MARCHF8: variants seen among roughly 807,000 people sequenced by gnomAD.
MARCHF8 encodes membrane associated ring-CH-type finger 8.
MARCHF8 carries 40 observed loss-of-function variants against 51.6 expected under a neutral mutation model. That is an observed-to-expected ratio of 0.77 (90% confidence interval 0.60 to 1.01). The LOEUF (loss-of-function observed/expected upper bound fraction) is 1.01. Among genes scored for constraint, MARCHF8 ranks in the 50% least tolerant of loss-of-function variants. The pLI, the probability that MARCHF8 is intolerant of heterozygous loss-of-function variation, is 0.00. For missense variants in MARCHF8, 685 were observed against 708.6 expected, an observed-to-expected ratio of 0.97 and a Z score of 0.38; for synonymous variants, 263 against 280.3, an observed-to-expected ratio of 0.94 and a Z score of 0.62.
intron 2 of MARCHF8, among the ~76,000 whole-genome samples, chr10:45,495,326 A>G (rs547146303): frequency 6.6e-6 from 1 of 152,152 alleles, no homozygotes; most frequent in South Asian, 2.1e-4. Context: ...AAAAAAAAAA[A>G]TTAGTGAGCA....
chr10:45,497,457 CCAA>C (rs996774058), intron 2 of MARCHF8, among the ~76,000 whole-genome samples: 19 of 152,066 alleles, frequency 1.2e-4, no homozygotes, highest in South Asian at 1.0e-3. Context: ...AATACAAAAC[CCAA>C]CAACAACAAC....
intron 3 of MARCHF8, among the ~76,000 whole-genome samples, chr10:45,481,397 G>A (rs1250331197): frequency 1.3e-5 from 2 of 152,170 alleles, no homozygotes; most frequent in African/African-American, 4.8e-5. Context: ...AGATTTGGGA[G>A]GGGCCGAGGG....
chr10:45,531,801 A>C lies in MARCHF8; in HGVS notation c.102+1309T>G, dbSNP rs149705442. ...AGGGTTCACTCTTCTTATGGGACTC[A>C]GTAGGAATAATATCTCCCAAGCACA... On this transcript the variant is annotated intron_variant, in intron 2 of 7. Transcript: ENST00000453424. Among the ~76,000 whole-genome samples the C allele has an allele frequency of 1.8e-4, 28 of 152,328 alleles. 1 individual carries two copies. In the East Asian group the frequency reaches 5.2e-3, roughly 28 times the overall value.
chr10:45,531,970 C>T (rs1241146622), intron 2 of MARCHF8, among the ~76,000 whole-genome samples: 1 of 152,174 alleles, frequency 6.6e-6, no homozygotes, highest in Non-Finnish European at 1.5e-5. Context: ...AACACAACCA[C>T]TATTTTCATC....
intron 2 of MARCHF8, among the ~76,000 whole-genome samples, chr10:45,515,534 T>C (rs1268297438): frequency 1.3e-5 from 2 of 152,262 alleles, no homozygotes; most frequent in East Asian, 1.9e-4. Context: ...TCTGAACTTA[T>C]GTTTTATAAA....
intron 1 of MARCHF8, among the ~76,000 whole-genome samples, chr10:45,553,469 C>A (rs566449105): frequency 1.3e-5 from 2 of 152,184 alleles, no homozygotes; most frequent in African/African-American, 4.8e-5. Context: ...AGTAACATTA[C>A]GCTTGAATAC....
chr10:45,575,207 G>A (rs1000737352), intron 1 of MARCHF8, among the ~76,000 whole-genome samples: 2 of 151,964 alleles, frequency 1.3e-5, no homozygotes, highest in Non-Finnish European at 2.9e-5. Context: ...ATGCTAATAG[G>A]GCAACTAAAA....
intron 1 of MARCHF8, among the ~76,000 whole-genome samples, chr10:45,547,780 A>T (rs1329655512): frequency 6.6e-6 from 1 of 152,194 alleles, no homozygotes; most frequent in Non-Finnish European, 1.5e-5. Context: ...AAATAGTGAC[A>T]GGCCTTTTGT....
At position 45,456,704 on chromosome 10, in the gene MARCHF8, C is replaced by T. The variant is rs1842615854; in HGVS notation, c.*1535G>A. On this transcript the variant is annotated 3_prime_UTR_variant, in exon 8 of 8. Transcript: ENST00000453424. ...GCCTGGAAAGGAAGCATCTGCGCTA[C>T]ATTGTGCTTCAGGCCCCCCCAGCAA... 1 of 152,228 alleles carries T rather than the reference C, an allele frequency of 6.6e-6. No homozygotes were observed. The highest frequency in any genetic ancestry group is 2.4e-5 in the African/African-American group (1 of 41,446). The allele number at this position is 152,228 out of a possible 1,614,324, so 9.4% of individuals were successfully genotyped here. A position where few individuals can be genotyped will look rare whatever the true frequency, so the allele number is the denominator to read the frequency against.
intron 2 of MARCHF8, among the ~76,000 whole-genome samples, chr10:45,528,251 C>CA (rs553904736): frequency 5.1e-4 from 78 of 152,180 alleles, no homozygotes; most frequent in Admixed American, 1.4e-3. Context: ...CCTATCGGGC[C>CA]AGAGCAGTAA....
chr10:45,526,578 T>C (rs900736428), intron 2 of MARCHF8, among the ~76,000 whole-genome samples: 5 of 152,166 alleles, frequency 3.3e-5, no homozygotes, highest in Admixed American at 6.5e-5. Flanking sequence ...ACAACCACTG[T>C]GCTTCTTGTA....
intron 2 of MARCHF8, among the ~76,000 whole-genome samples, chr10:45,510,777 A>G (rs1439046598): frequency 6.6e-6 from 1 of 152,242 alleles, no homozygotes; most frequent in African/African-American, 2.4e-5. Flanking sequence ...ACAGCCACAC[A>G]TTTGTTCTAA....
chr10:45,555,964 C>A (rs1018410892), intron 1 of MARCHF8, among the ~76,000 whole-genome samples: 1 of 151,858 alleles, frequency 6.6e-6, no homozygotes, highest in Non-Finnish European at 1.5e-5. Flanking sequence ...TACTAGTATT[C>A]CAGCGAATAA....
chr10:45,593,328 A>C (rs930505429), intron 1 of MARCHF8: 1 of 152,080 alleles, frequency 6.6e-6, no homozygotes, highest in African/African-American at 2.4e-5. Flanking sequence ...AAAAAAAAAA[A>C]ACCTGATAAT....
intron 1 of MARCHF8, among the ~76,000 whole-genome samples, chr10:45,567,953 T>C (rs1164916241): frequency 6.6e-6 from 1 of 152,218 alleles, no homozygotes; most frequent in Non-Finnish European, 1.5e-5. Flanking sequence ...TCCTCTTCAA[T>C]TTCTTGCATC....
At chr10:45,482,045 C>A (rs2042896974) in intron 3 of MARCHF8, among the ~76,000 whole-genome samples, 1 of 151,874 alleles carries the variant, frequency 6.6e-6, no homozygotes, top group African/African-American at 2.4e-5. Context: ...AGAAAGAAAT[C>A]AAAAAGGCAA....
At chr10:45,528,521 G>A (rs529141934) in intron 2 of MARCHF8, among the ~76,000 whole-genome samples, 43 of 152,202 alleles carry the variant, frequency 2.8e-4, no homozygotes, top group Non-Finnish European at 5.9e-4. Flanking sequence ...GCACAGTGGC[G>A]CAGTCATAGC....
chr10:45,583,150 A>T (rs1270557322), intron 1 of MARCHF8, among the ~76,000 whole-genome samples: 1 of 152,232 alleles, frequency 6.6e-6, no homozygotes, highest in Non-Finnish European at 1.5e-5. Flanking sequence ...CGCTATTTTT[A>T]AACAATGTCC....
chr10:45,498,632 C>T (rs781667901), intron 2 of MARCHF8, among the ~76,000 whole-genome samples: 11 of 152,148 alleles, frequency 7.2e-5, no homozygotes, highest in Non-Finnish European at 1.6e-4. Flanking sequence ...TACACCACTA[C>T]ATCCAGCTAA....
Sources: allele counts gnomAD v4.1 joint callset (sites outside exome capture counted in the v4.1 genomes callset), GRCh38; gene constraint gnomAD v4.1.1; transcripts MANE v1.5; gene names NCBI Gene and HGNC (gene_info 2026-07-23, HGNC 2026-07-21).